TNS1: variants seen among roughly 807,000 people sequenced by gnomAD.
TNS1 encodes tensin 1, also known as tensin-1.
Under a neutral mutation model 168.6 loss-of-function variants are expected in TNS1, and 62 were observed. The ratio of observed to expected loss-of-function variants is 0.37; its 90% CI spans 0.30 to 0.45. The LOEUF (loss-of-function observed/expected upper bound fraction) is 0.45. Among genes scored for constraint, TNS1 ranks in the 20% least tolerant of loss-of-function variants. The pLI, the probability that TNS1 is intolerant of heterozygous loss-of-function variation, is 1.00. For synonymous variants in TNS1, 934 were observed against 933.2 expected (o/e 1.00, Z -0.02); for missense variants, 2,240 against 2,339.4 (o/e 0.96, Z 0.88).
intron 22 of TNS1, 95 bp from the exon 23 acceptor site, chr2:217,822,033 C>T: frequency 7.7e-7 from 1 of 1,298,614 alleles, no homozygotes; most frequent in Non-Finnish European, 1.0e-6. Flanking sequence ...GCTTCCTGGA[C>T]TCCTGCCTGG....
intron 8 of TNS1, among the ~76,000 whole-genome samples, chr2:217,897,180 TC>T (rs1226120198): frequency 6.6e-6 from 1 of 152,162 alleles, no homozygotes; most frequent in African/African-American, 2.4e-5. Flanking sequence ...ACCTGAGCCC[TC>T]CTCTGGGGCC....
In TNS1 at chr2:217,800,344, C is replaced by T. The variant is rs998104289; in HGVS notation, c.*4115G>A. On this transcript the variant is annotated 3_prime_UTR_variant, in exon 33 of 33. Transcript: ENST00000682258. ...AGAGGTGCCAAGAGGGACAGATCTG[C>T]CCGAGGCCCCCACCCTGCCCCTCTG... 6.6e-6 allele frequency: 1 copy of T among 152,276 alleles called. No homozygotes were observed. Among genetic ancestry groups the T allele is most frequent in the Non-Finnish European group, 1.5e-5 (1 of 68,108 alleles). 9.4% of individuals were successfully genotyped at this position (152,276 alleles called of 1,614,324 possible).
rs1265413905 is a variant in TNS1, at chr2:217,936,076, A to T, written c.187-15840T>A. Among the ~76,000 whole-genome samples, 3 of 152,072 alleles carry T rather than the reference A, an allele frequency of 2.0e-5. No individual in the cohort carries two copies. In the East Asian group the frequency reaches 5.8e-4, roughly 29 times the overall value. On this transcript the variant is annotated intron_variant, in intron 3 of 32. Coordinates refer to ENST00000682258, the MANE Select transcript of TNS1 (RefSeq NM_001387777.1). The stretch of plus-strand genomic sequence containing the variant: ...TGGCCTTTGAGACACTCAACATTCC[A>T]TCTAGCTCTGGACAGGCAGCCACTC...
Position 217,801,697 on chromosome 2 carries a change from T to G in TNS1, c.*2762A>C, listed in dbSNP as rs1207513685. On this transcript the variant is annotated 3_prime_UTR_variant, in exon 33 of 33. Coordinates refer to ENST00000682258, the MANE Select transcript of TNS1 (RefSeq NM_001387777.1). ...GAATATACTGCAGTGCGGAGTGTTG[T>G]GTGTGCGTAGGTGTGTGCATGGGTG... 1 of 152,264 alleles carries G rather than the reference T, an allele frequency of 6.6e-6. No homozygotes were observed. Among genetic ancestry groups the G allele is most frequent in the Non-Finnish European group, 1.5e-5 (1 of 68,044 alleles). The allele number at this position is 152,264 out of a possible 1,614,324, so 9.4% of individuals were successfully genotyped here.
intron 3 of TNS1, among the ~76,000 whole-genome samples, chr2:217,958,492 G>A (rs890141745): frequency 6.6e-6 from 1 of 152,218 alleles, no homozygotes; most frequent in Admixed American, 6.5e-5. Context: ...GATGGAGAAT[G>A]ACGATGGTAA....
chr2:217,873,260 G>A (rs142234130), intron 18 of TNS1, among the ~76,000 whole-genome samples: 1 of 152,210 alleles, frequency 6.6e-6, no homozygotes, highest in East Asian at 1.9e-4. Flanking sequence ...AAACTATACC[G>A]CCATACACAC....
At chr2:218,017,000 G>A (rs1211817746) in intron 1 of TNS1, among the ~76,000 whole-genome samples, 1 of 152,152 alleles carries the variant, frequency 6.6e-6, no homozygotes, top group Non-Finnish European at 1.5e-5. Context: ...GGGAAACTGA[G>A]GCACAAAACA....
intron 3 of TNS1, among the ~76,000 whole-genome samples, chr2:217,950,759 C>T (rs968857544): frequency 1.3e-5 from 2 of 151,530 alleles, no homozygotes; most frequent in Non-Finnish European, 2.9e-5. Flanking sequence ...TGTTCCCCTC[C>T]CTCCTCTGCT....
At chr2:217,850,341 G>C (rs762040910) in intron 18 of TNS1, 3 of 985,220 alleles carry the variant, frequency 3.0e-6, no homozygotes, top group Non-Finnish European at 3.6e-6. Flanking sequence ...ACTAGGGCAG[G>C]AGGGGAAGCG....
chr2:217,997,500 C>T (rs377359550), intron 1 of TNS1, among the ~76,000 whole-genome samples: 3 of 152,246 alleles, frequency 2.0e-5, no homozygotes, highest in South Asian at 4.1e-4. Flanking sequence ...GAATGCCCCT[C>T]GATTTGGATT....
intron 4 of TNS1, among the ~76,000 whole-genome samples, chr2:217,908,643 G>A (rs780271889): frequency 4.6e-5 from 7 of 152,162 alleles, no homozygotes; most frequent in South Asian, 2.1e-4. Context: ...TGGGCTGAGC[G>A]GAGGTAACAG....
upstream of TNS1, among the ~76,000 whole-genome samples, chr2:218,013,252 T>G (rs974967817): frequency 1.4e-5 from 2 of 147,964 alleles, no homozygotes; most frequent in Non-Finnish European, 3.0e-5. Context: ...CGAGACTCTA[T>G]CTCAAAAAAA....
chr2:217,944,531 C>T (rs755278922), intron 3 of TNS1, among the ~76,000 whole-genome samples: 9 of 152,190 alleles, frequency 5.9e-5, no homozygotes, highest in East Asian at 1.9e-4. Context: ...CTCTGCTTTC[C>T]GCTGTTTCCA....
In TNS1 at chr2:217,799,933, G is replaced by A. The variant is rs937796240; in HGVS notation, c.*4526C>T. 3 of 152,198 alleles carry A rather than the reference G, an allele frequency of 2.0e-5. No homozygotes were observed. The highest frequency in any genetic ancestry group is 4.4e-5 in the Non-Finnish European group (3 of 68,038). 9.4% of individuals were successfully genotyped at this position (152,198 alleles called of 1,614,324 possible). A position where few individuals can be genotyped will look rare whatever the true frequency, so the allele number is the denominator to read the frequency against. On this transcript the variant is annotated 3_prime_UTR_variant, in exon 33 of 33. Coordinates refer to ENST00000682258, the MANE Select transcript of TNS1 (RefSeq NM_001387777.1). ...CATACACCAGGATTTATACACGGTGGCAGCGGCTATAGGCACGATGATACA... is the reference window on the plus strand; with the variant it reads ...CATACACCAGGATTTATACACGGTGACAGCGGCTATAGGCACGATGATACA...
intron 3 of TNS1, among the ~76,000 whole-genome samples, chr2:217,945,751 T>C (rs11892874): frequency 0.096 from 14,571 of 152,026 alleles, 1,876 homozygotes; most frequent in African/African-American, 0.28. Flanking sequence ...CACTCACTGG[T>C]CCCAACTCTA....
At chr2:217,892,886 A>T (rs1299109183) in intron 11 of TNS1, 62 bp downstream of exon 11, 2 of 1,552,898 alleles carry the variant, frequency 1.3e-6, no homozygotes, top group African/African-American at 2.7e-5. Flanking sequence ...CTGTGGGTGG[A>T]TGAGAGGAGG....
intron 8 of TNS1, among the ~76,000 whole-genome samples, chr2:217,897,414 C>A (rs1033781223): frequency 6.6e-6 from 1 of 152,264 alleles, no homozygotes; most frequent in Admixed American, 6.5e-5. Context: ...AACCCCACCT[C>A]TCTGTGCTCT....
chr2:218,019,968 A>G (rs1281263016), intron 1 of TNS1, among the ~76,000 whole-genome samples: 3 of 151,378 alleles, frequency 2.0e-5, no homozygotes. Flanking sequence ...CCACTGCCCT[A>G]CTCTTTTTTG....
intron 19 of TNS1, among the ~76,000 whole-genome samples, 160 bp downstream of exon 19, chr2:217,847,350 G>A (rs905279048): frequency 6.6e-6 from 1 of 152,340 alleles, no homozygotes; most frequent in South Asian, 2.1e-4. Flanking sequence ...ATCAGACAAT[G>A]AATGCAGGAA....
Sources: allele counts gnomAD v4.1 joint callset (sites outside exome capture counted in the v4.1 genomes callset), GRCh38; gene constraint gnomAD v4.1.1; transcripts MANE v1.5; gene names NCBI Gene and HGNC (gene_info 2026-07-23, HGNC 2026-07-21).